GNG7: variants seen among roughly 807,000 people sequenced by gnomAD.
GNG7 encodes the protein G protein subunit gamma 7, also known as guanine nucleotide-binding protein G(I)/G(S)/G(O) subunit gamma-7.
A neutral mutation model predicts 4.0 loss-of-function variants in GNG7; 1 was observed. That is an observed-to-expected ratio of 0.25 (90% CI 0.09 to 1.18). GNG7 has a LOEUF of 1.18. Ranked by LOEUF, GNG7 falls within the 50% of genes most tolerant of loss-of-function variation. The pLI is 0.50. For missense variants in GNG7, 86 were observed against 91.9 expected, an observed-to-expected ratio of 0.94 and a Z score of 0.26; for synonymous variants, 34 against 36.9, an observed-to-expected ratio of 0.92 and a Z score of 0.29.
At chr19:2,620,070 G>A (rs1057506999) in intron 2 of GNG7, among the ~76,000 whole-genome samples, 12 of 151,758 alleles carry the variant, frequency 7.9e-5, no homozygotes, top group Non-Finnish European at 1.5e-4. Flanking sequence ...GGTGGTGCGC[G>A]CCTGTATTCG....
chr19:2,598,534 G>A (rs1031444260), intron 2 of GNG7, among the ~76,000 whole-genome samples: 39 of 151,758 alleles, frequency 2.6e-4, no homozygotes, highest in Non-Finnish European at 3.7e-4. Flanking sequence ...GCGGGCGCCT[G>A]TAGTCCCAGC....
At chr19:2,537,744 G>A (rs955905732) in intron 3 of GNG7, among the ~76,000 whole-genome samples, 8 of 151,246 alleles carry the variant, frequency 5.3e-5, no homozygotes, top group Admixed American at 3.3e-4. Flanking sequence ...GCTGGGACCC[G>A]GTTACAGTGA....
intron 1 of GNG7, among the ~76,000 whole-genome samples, chr19:2,655,838 G>GAAAAAAAAAAAAAAA (rs56041767): frequency 5.5e-5 from 3 of 54,760 alleles, no homozygotes; most frequent in Non-Finnish European, 9.9e-5. Context: ...GGCTCCGTCT[G>GAAAAAAAAAAAAAAA]AAAAAAAAAA....
chr19:2,648,566 C>CT, intron 1 of GNG7, among the ~76,000 whole-genome samples: 1 of 152,340 alleles, frequency 6.6e-6, no homozygotes, highest in East Asian at 1.9e-4. Flanking sequence ...AGTTTCCGTT[C>CT]TACGAGCTCA....
At chr19:2,676,726 T>C (rs1983602219) in intron 1 of GNG7, among the ~76,000 whole-genome samples, 1 of 152,046 alleles carries the variant, frequency 6.6e-6, no homozygotes, top group Non-Finnish European at 1.5e-5. Context: ...TCTTTGGTGG[T>C]TTTCAGGAAC....
At chr19:2,696,154 CA>C (rs1194718785) in intron 1 of GNG7, among the ~76,000 whole-genome samples, 1 of 119,606 alleles carries the variant, frequency 8.4e-6, no homozygotes, top group Non-Finnish European at 1.7e-5. Flanking sequence ...AAGACTCCGT[CA>C]AAAAAAAAGA....
At chr19:2,605,346 C>T (rs1433297587) in intron 2 of GNG7, among the ~76,000 whole-genome samples, 1 of 148,188 alleles carries the variant, frequency 6.7e-6, no homozygotes, top group Non-Finnish European at 1.5e-5. Flanking sequence ...CTACAGGCAC[C>T]TGCCACCATG....
At chr19:2,654,339 C>G (rs993616191) in intron 1 of GNG7, among the ~76,000 whole-genome samples, 1 of 152,160 alleles carries the variant, frequency 6.6e-6, no homozygotes, top group Non-Finnish European at 1.5e-5. Flanking sequence ...CCCTCCCAAC[C>G]CCCAGGCACT....
intron 1 of GNG7, among the ~76,000 whole-genome samples, chr19:2,666,758 A>G (rs1006572763): frequency 6.6e-6 from 1 of 152,252 alleles, no homozygotes; most frequent in African/African-American, 2.4e-5. Flanking sequence ...GCCATAGACT[A>G]TGCATAAATA....
chr19:2,532,166 A>AC (rs1978616793), intron 3 of GNG7, among the ~76,000 whole-genome samples: 2 of 151,890 alleles, frequency 1.3e-5, no homozygotes, highest in African/African-American at 2.4e-5. Context: ...AAAAAACAAA[A>AC]AAAAAAACAA....
At chr19:2,558,095 C>A (rs1407699211) in intron 2 of GNG7, among the ~76,000 whole-genome samples, 1 of 152,008 alleles carries the variant, frequency 6.6e-6, no homozygotes, top group Non-Finnish European at 1.5e-5. Context: ...CCCACCTCGG[C>A]CTCCGAAAGT....
At chr19:2,550,349 C>T (rs1051497433) in intron 3 of GNG7, among the ~76,000 whole-genome samples, 4 of 152,198 alleles carry the variant, frequency 2.6e-5, no homozygotes, top group Admixed American at 6.5e-5. Context: ...TCCTGAGTAG[C>T]TGGTAGCTGG....
intron 1 of GNG7, among the ~76,000 whole-genome samples, chr19:2,681,646 G>A (rs977721611): frequency 5.9e-5 from 9 of 152,106 alleles, no homozygotes; most frequent in African/African-American, 2.2e-4. Context: ...CAACTCACAG[G>A]GTCATATGGA....
In GNG7 at chr19:2,514,970, G is replaced by GAGAC. The variant is rs1875541386; in HGVS notation, c.*51_*52insGTCT. On this transcript the variant is annotated 3_prime_UTR_variant, in exon 5 of 5. Coordinates refer to ENST00000382159, the MANE Select transcript of GNG7 (RefSeq NM_052847.3). ...CCTGCCTGAGACAGAGACAGAGACA[G>GAGAC]AGAGAGAGAGAGAGAAAGAGAGAGA... 5 of 312,288 alleles carry GAGAC rather than the reference G, an allele frequency of 1.6e-5. No individual in the cohort carries two copies. Among genetic ancestry groups the GAGAC allele is most frequent in the South Asian group, 1.5e-4 (2 of 13,768 alleles). The allele number at this position is 312,288 out of a possible 1,614,324, so 19.3% of individuals were successfully genotyped here.
intron 1 of GNG7, among the ~76,000 whole-genome samples, chr19:2,681,549 A>G (rs560885763): frequency 2.6e-5 from 4 of 152,062 alleles, no homozygotes; most frequent in East Asian, 3.9e-4. Context: ...GATCACTAGC[A>G]TTAGCCACAT....
At chr19:2,660,784 C>T (rs747528378) in intron 1 of GNG7, among the ~76,000 whole-genome samples, 1 of 150,600 alleles carries the variant, frequency 6.6e-6, no homozygotes, top group African/African-American at 2.4e-5. Context: ...GAGGAAGACC[C>T]TGTCTCAAAT....
rs370606284 is a variant in GNG7, at chr19:2,596,815, C to T, written c.-77-41627G>A. On this transcript the variant is annotated intron_variant, in intron 2 of 4. Coordinates refer to ENST00000382159, the MANE Select transcript of GNG7 (RefSeq NM_052847.3). ...TGTGATGAAGATGTCTCCATTCTCACTCCTGCAGTACGAGACTTCTTTACA... is the reference window on the plus strand; with the variant it reads ...TGTGATGAAGATGTCTCCATTCTCATTCCTGCAGTACGAGACTTCTTTACA... Among the ~76,000 whole-genome samples, 22 of 152,318 alleles carry T rather than the reference C, an allele frequency of 1.4e-4. No homozygotes were observed. The East Asian group carries it at 2.9e-3, about 20-fold the overall frequency.
chr19:2,634,792 C>T lies in GNG7; in HGVS notation c.-78+11432G>A, dbSNP rs1347954113. Among the ~76,000 whole-genome samples, 1 of 151,994 alleles carries T rather than the reference C, an allele frequency of 6.6e-6. No homozygotes were observed. Among genetic ancestry groups the T allele is most frequent in the East Asian group, 1.9e-4 (1 of 5,198 alleles). ...GTGACCGACCAGGGGGAAATAAACC[C>T]GCTCTGACTGGCCGCGGGGACTGGA... On this transcript the variant is annotated intron_variant, in intron 2 of 4. Transcript: ENST00000382159. The surrounding 1 kb of genome is among the most constrained non-coding windows in gnomAD (Gnocchi z 5.3).
At chr19:2,635,813 C>A (rs767541445) in intron 2 of GNG7, among the ~76,000 whole-genome samples, 6 of 152,090 alleles carry the variant, frequency 3.9e-5, no homozygotes, top group Non-Finnish European at 8.8e-5. Flanking sequence ...GAACTCCTGA[C>A]CTCAAGTGAT....
Sources: allele counts gnomAD v4.1 joint callset (sites outside exome capture counted in the v4.1 genomes callset), GRCh38; gene constraint gnomAD v4.1.1; non-coding constraint Gnocchi (gnomAD v3.1); transcripts MANE v1.5; gene names NCBI Gene and HGNC (gene_info 2026-07-23, HGNC 2026-07-21).